Variants in SLX4IP observed in about 807,000 individuals in gnomAD.
The protein encoded by SLX4IP is SLX4 interacting protein, also known as protein SLX4IP.
SLX4IP carries 34 observed loss-of-function variants against 32.9 expected under a neutral mutation model. That is an observed-to-expected ratio of 1.03 (90% CI 0.79 to 1.38). SLX4IP has a LOEUF of 1.38. SLX4IP is among the 40% of genes most tolerant of loss of function. The probability of loss-of-function intolerance (pLI) is 0.00; values close to 1 mark genes in which losing one functional copy is unlikely to be tolerated. For synonymous variants in SLX4IP, 172 were observed against 171.7 expected (o/e 1.00, Z -0.01); for missense variants, 444 against 479.0 (o/e 0.93, Z 0.68).
intron 4 of SLX4IP, among the ~76,000 whole-genome samples, chr20:10,582,942 T>A (rs2066601769): frequency 6.6e-6 from 1 of 152,094 alleles, no homozygotes; most frequent in South Asian, 2.1e-4. Context: ...AAAAAATGTA[T>A]CATCTTGAAA....
chr20:10,475,503 C>T (rs2065468640), intron 2 of SLX4IP, among the ~76,000 whole-genome samples: 1 of 152,214 alleles, frequency 6.6e-6, no homozygotes, highest in East Asian at 1.9e-4. Flanking sequence ...CTGGTGAGGG[C>T]CTGGAGGTAG....
At chr20:10,503,201 A>G (rs2065733491) in intron 2 of SLX4IP, among the ~76,000 whole-genome samples, 1 of 152,212 alleles carries the variant, frequency 6.6e-6, no homozygotes, top group African/African-American at 2.4e-5. Flanking sequence ...AGGTTAAGGT[A>G]GGACCCAAGG....
At chr20:10,501,817 G>C (rs778237975) in intron 2 of SLX4IP, among the ~76,000 whole-genome samples, 1 of 152,130 alleles carries the variant, frequency 6.6e-6, no homozygotes, top group Non-Finnish European at 1.5e-5. Context: ...ATTTTCTTCC[G>C]AGACGCAGAC....
chr20:10,572,948 C>T (rs567618432), intron 4 of SLX4IP, among the ~76,000 whole-genome samples: 35 of 152,266 alleles, frequency 2.3e-4, no homozygotes, highest in African/African-American at 8.2e-4. Flanking sequence ...TGTGTTCACA[C>T]GACAAGAGGC....
intron 6 of SLX4IP, chr20:10,613,400 A>G (rs528592993): frequency 1.6e-4 from 240 of 1,537,206 alleles, no homozygotes; most frequent in Middle Eastern, 1.2e-3. Context: ...AATGGCATCA[A>G]TTTACACCTA....
intron 2 of SLX4IP, among the ~76,000 whole-genome samples, chr20:10,552,931 G>A (rs1027934856): frequency 2.7e-5 from 4 of 150,854 alleles, no homozygotes; most frequent in African/African-American, 9.7e-5. Context: ...ACTTGGTTTA[G>A]ATTAAAAAAT....
chr20:10,530,294 T>C (rs2065977787), intron 2 of SLX4IP, among the ~76,000 whole-genome samples: 1 of 152,214 alleles, frequency 6.6e-6, no homozygotes, highest in Admixed American at 6.5e-5. Flanking sequence ...GTTTAGATAA[T>C]CCAGTGAATC....
intron 1 of SLX4IP, among the ~76,000 whole-genome samples, chr20:10,455,900 C>T (rs1020472407): frequency 1.3e-5 from 2 of 152,040 alleles, no homozygotes; most frequent in South Asian, 2.1e-4. Context: ...TGTGAGCCAC[C>T]GTGCCTGGCC....
At chr20:10,618,546 G>T (rs889796935) in intron 6 of SLX4IP, among the ~76,000 whole-genome samples, 4 of 152,160 alleles carry the variant, frequency 2.6e-5, no homozygotes, top group Non-Finnish European at 5.9e-5. Flanking sequence ...ATTTATGAAG[G>T]CCCTGGAAGA....
chr20:10,468,683 A>G (rs539134677), intron 2 of SLX4IP, among the ~76,000 whole-genome samples: 3 of 152,292 alleles, frequency 2.0e-5, no homozygotes, highest in African/African-American at 7.2e-5. Context: ...TGACCAGTGA[A>G]TGACTTGCTT....
At chr20:10,606,184 G>T (rs753228820) in intron 6 of SLX4IP, among the ~76,000 whole-genome samples, 1 of 152,132 alleles carries the variant, frequency 6.6e-6, no homozygotes, top group Non-Finnish European at 1.5e-5. Flanking sequence ...AAAAAATTAT[G>T]ATTAGAAAAA....
chr20:10,510,737 T>G (rs1203324156), intron 2 of SLX4IP, among the ~76,000 whole-genome samples: 2 of 151,982 alleles, frequency 1.3e-5, no homozygotes, highest in African/African-American at 4.8e-5. Context: ...CCCAAGTAGC[T>G]GGGACTACAG....
chr20:10,517,122 A>G (rs1464901041), intron 2 of SLX4IP, among the ~76,000 whole-genome samples: 2 of 152,226 alleles, frequency 1.3e-5, no homozygotes, highest in Non-Finnish European at 2.9e-5. Context: ...AGAATTTAAG[A>G]AATTGTTCTA....
intron 6 of SLX4IP, among the ~76,000 whole-genome samples, chr20:10,604,103 G>C (rs1364948616): frequency 6.6e-6 from 1 of 152,136 alleles, no homozygotes; most frequent in Non-Finnish European, 1.5e-5. Flanking sequence ...TTCAAGCTTT[G>C]AATTCTTATA....
At chr20:10,598,094 A>G (rs905859899) in intron 4 of SLX4IP, among the ~76,000 whole-genome samples, 4 of 152,136 alleles carry the variant, frequency 2.6e-5, no homozygotes, top group Non-Finnish European at 5.9e-5. Context: ...GAATTATCCC[A>G]TCTGAAAGTA....
chr20:10,535,676 C>T (rs2066035584), intron 2 of SLX4IP, among the ~76,000 whole-genome samples: 1 of 152,118 alleles, frequency 6.6e-6, no homozygotes, highest in South Asian at 2.1e-4. Flanking sequence ...TAAGAGGTTT[C>T]ATCCTTAGTC....
At chr20:10,563,063 T>G (rs951000439) in intron 4 of SLX4IP, among the ~76,000 whole-genome samples, 1 of 152,236 alleles carries the variant, frequency 6.6e-6, no homozygotes, top group Non-Finnish European at 1.5e-5. Flanking sequence ...CTTCACATCC[T>G]TGCCAGCACT....
chr20:10,518,821 T>G (rs1318393469), intron 2 of SLX4IP, among the ~76,000 whole-genome samples: 1 of 152,036 alleles, frequency 6.6e-6, no homozygotes, highest in Admixed American at 6.6e-5. Flanking sequence ...ACACCCACTT[T>G]GGCCTCCCAA....
At chr20:10,610,041 C>A (rs2066948532) in intron 6 of SLX4IP, among the ~76,000 whole-genome samples, 1 of 152,118 alleles carries the variant, frequency 6.6e-6, no homozygotes, top group Non-Finnish European at 1.5e-5. Flanking sequence ...TTGGCCCAAA[C>A]CCATAAATTC....
Sources: allele counts gnomAD v4.1 joint callset (sites outside exome capture counted in the v4.1 genomes callset), GRCh38; gene constraint gnomAD v4.1.1; transcripts MANE v1.5; gene names NCBI Gene and HGNC (gene_info 2026-07-23, HGNC 2026-07-21).